Variants in CFAP418 observed in about 807,000 individuals in gnomAD.
CFAP418 encodes cilia- and flagella-associated protein 418.
A neutral mutation model predicts 24.7 loss-of-function variants in CFAP418; 27 were observed. The observed-to-expected ratio is 1.09, with a 90% CI of 0.81 to 1.51. The LOEUF is 1.51. Ranked by LOEUF, CFAP418 falls within the 40% of genes most tolerant of loss-of-function variation. The probability of loss-of-function intolerance (pLI) is 0.00; values close to 1 mark genes in which losing one functional copy is unlikely to be tolerated. For missense variants in CFAP418, 257 were observed against 255.2 expected, an observed-to-expected ratio of 1.01 and a Z score of -0.05; for synonymous variants, 74 against 87.3, an observed-to-expected ratio of 0.85 and a Z score of 0.85.
Position 95,263,762 on chromosome 8 carries a change from T to C in CFAP418, c.168A>G (p.Thr56=). 1 of 1,600,674 alleles carries C rather than the reference T, an allele frequency of 6.2e-7. No individual in the cohort carries two copies. Among genetic ancestry groups the C allele is most frequent in the East Asian group, 2.2e-5 (1 of 44,648 alleles). ...KAKETLRSTE[T]FKKEDDLDSL... is the part of the protein sequence containing the mutation. ...TGTCAAGATCATCTTCTTTTTTAAA[T>C]GTTTCTGTTGATCTGAAAAGAAGAC... The change falls in exon 2 of 6, where the codon ACA becomes ACG. Residue 56 remains threonine, a synonymous_variant. Coordinates refer to ENST00000286688, the MANE Select transcript of CFAP418 (RefSeq NM_177965.4).
chr8:95,256,666 G>A (rs1362273187), intron 4 of CFAP418, among the ~76,000 whole-genome samples: 1 of 152,140 alleles, frequency 6.6e-6, no homozygotes, highest in Non-Finnish European at 1.5e-5. Context: ...GCCTTTTATT[G>A]ATAAGCTAGC....
intron 1 of CFAP418, chr8:95,268,783 G>A (rs1220514753): frequency 3.0e-5 from 8 of 269,332 alleles, no homozygotes; most frequent in Non-Finnish European, 5.5e-5. Context: ...GGCGGGGCGG[G>A]GCGGGGCGGG....
Position 95,269,022 on chromosome 8 carries a change from C to T in CFAP418, c.155+13G>A, listed in dbSNP as rs1812091923. The T allele has an allele frequency of 6.2e-7, 1 of 1,613,412 alleles. No homozygotes were observed. The highest frequency in any genetic ancestry group is 8.5e-7 in the Non-Finnish European group (1 of 1,179,500). On this transcript the variant is annotated intron_variant, in intron 1 of 5. Coordinates refer to ENST00000286688, the MANE Select transcript of CFAP418 (RefSeq NM_177965.4). Reference sequence around the variant, plus strand: ...GCTTTACCAGAACAGTCCACCCCTCCCGCCCGGTTAACCTGAGCGTCTCTT... The same window carrying T: ...GCTTTACCAGAACAGTCCACCCCTCTCGCCCGGTTAACCTGAGCGTCTCTT...
At chr8:95,257,242 C>A (rs960746902) in intron 4 of CFAP418, among the ~76,000 whole-genome samples, 4 of 152,144 alleles carry the variant, frequency 2.6e-5, no homozygotes, top group African/African-American at 2.4e-5. Context: ...GGACTGACAG[C>A]AACAACACTA....
intron 4 of CFAP418, among the ~76,000 whole-genome samples, chr8:95,255,981 T>C (rs1038529649): frequency 6.6e-6 from 1 of 152,238 alleles, no homozygotes; most frequent in Non-Finnish European, 1.5e-5. Context: ...ATGCAACTGG[T>C]ATCTCTTCTT....
At chr8:95,268,798 A>C in intron 1 of CFAP418, 2 of 278,886 alleles carry the variant, frequency 7.2e-6, no homozygotes, top group Non-Finnish European at 1.3e-5. Context: ...GGCGGGGGCC[A>C]GCCCTCTGGG....
chr8:95,247,796 GCATA>G (rs764856484), intron 5 of CFAP418, 26 bp from the exon 6 acceptor site: 1 of 1,567,374 alleles, frequency 6.4e-7, no homozygotes, highest in Non-Finnish European at 8.7e-7. Context: ...GAAAGTTTTA[GCATA>G]GTGGCTTTGT....
chr8:95,266,131 A>AT (rs1371957055), intron 1 of CFAP418, among the ~76,000 whole-genome samples: 1 of 152,238 alleles, frequency 6.6e-6, no homozygotes, highest in African/African-American at 2.4e-5. Context: ...TGAAATGGGG[A>AT]TAACAGTATT....
chr8:95,247,911 T>A, intron 5 of CFAP418, 141 bp from the exon 6 acceptor site: 1 of 865,806 alleles, frequency 1.2e-6, no homozygotes, highest in Non-Finnish European at 1.7e-6. Context: ...TGGATTGCGG[T>A]GGCACAATCA....
intron 4 of CFAP418, among the ~76,000 whole-genome samples, chr8:95,255,614 C>T (rs1811775224): frequency 1.3e-5 from 2 of 152,220 alleles, no homozygotes; most frequent in Non-Finnish European, 2.9e-5. Flanking sequence ...AGACTGAAAG[C>T]TCATTGAAGA....
At chr8:95,264,695 T>C (rs897122768) in intron 1 of CFAP418, among the ~76,000 whole-genome samples, 1 of 152,210 alleles carries the variant, frequency 6.6e-6, no homozygotes, top group Non-Finnish European at 1.5e-5. Context: ...TCAAACTCTC[T>C]AATTTCAGAA....
At chr8:95,253,237 G>A (rs891012413) in intron 4 of CFAP418, among the ~76,000 whole-genome samples, 2 of 151,922 alleles carry the variant, frequency 1.3e-5, no homozygotes, top group East Asian at 1.9e-4. Context: ...GTGAACCCGG[G>A]AGGCGGAGAT....
chr8:95,258,524 AAT>A (rs1811832327), intron 4 of CFAP418, among the ~76,000 whole-genome samples: 2 of 152,234 alleles, frequency 1.3e-5, no homozygotes, highest in South Asian at 4.1e-4. Context: ...AAGTTAAAAA[AAT>A]AAAAAAATTT....
At chr8:95,262,544 G>C (rs1035092711) in intron 2 of CFAP418, among the ~76,000 whole-genome samples, 4 of 151,830 alleles carry the variant, frequency 2.6e-5, no homozygotes, top group Non-Finnish European at 4.4e-5. Context: ...TTCTATTTTT[G>C]TATCTTTCTT....
chr8:95,256,464 A>C (rs1587352867), intron 4 of CFAP418, among the ~76,000 whole-genome samples: 1 of 152,186 alleles, frequency 6.6e-6, no homozygotes, highest in African/African-American at 2.4e-5. Context: ...TCCTCAGAGT[A>C]TCTCCATGAA....
chr8:95,250,957 T>C (rs1399771446), intron 5 of CFAP418, among the ~76,000 whole-genome samples: 1 of 152,260 alleles, frequency 6.6e-6, no homozygotes, highest in Non-Finnish European at 1.5e-5. Context: ...TCTCTTACCC[T>C]TTTCTTTATG....
Position 95,247,586 on chromosome 8 carries a change from A to T in CFAP418, c.*31T>A. The T allele has an allele frequency of 6.2e-7, 1 of 1,613,184 alleles. No individual in the cohort carries two copies. The highest frequency in any genetic ancestry group is 8.5e-7 in the Non-Finnish European group (1 of 1,179,490). On this transcript the variant is annotated 3_prime_UTR_variant, in exon 6 of 6. Transcript: ENST00000286688. Reference sequence around the variant, plus strand: ...TGATTCATGGAGACCACTCTCATGGATGCATCTGTCCGAATGTGCAGTCTG... The same window carrying T: ...TGATTCATGGAGACCACTCTCATGGTTGCATCTGTCCGAATGTGCAGTCTG...
chr8:95,260,468 C>T lies in CFAP418; in HGVS notation c.308G>A (p.Ser103Asn). The T allele has an allele frequency of 6.3e-7, 1 of 1,584,360 alleles. No homozygotes were observed. Among genetic ancestry groups the T allele is most frequent in the East Asian group, 2.3e-5 (1 of 43,588 alleles). ...VRASIEGLGK[S>N]CSPVYLGGSS... The stretch of plus-strand genomic sequence containing the variant: ...ATTCACCAAAGCAATCTCAACTTAC[C>T]TTTTACCAAGGCCTTCAATGGAAGC... Residue 103 changes from serine to asparagine, a missense_variant and splice_region_variant, in exon 3 of 6, where the codon AGT (serine) becomes AAT (asparagine). Transcript: ENST00000286688.
intron 5 of CFAP418, among the ~76,000 whole-genome samples, chr8:95,249,051 A>G (rs1314558961): frequency 6.6e-6 from 1 of 152,202 alleles, no homozygotes; most frequent in Non-Finnish European, 1.5e-5. Flanking sequence ...AATAATCTAA[A>G]TTTTAACAGA....
Sources: gnomAD v4.1 joint callset for allele counts (sites outside exome capture counted in the v4.1 genomes callset) on GRCh38, gnomAD v4.1.1 for gene constraint, MANE v1.5 for transcripts, NCBI Gene and HGNC (gene_info 2026-07-23, HGNC 2026-07-21) for gene names.